Variants in MTMR3 observed in about 807,000 individuals in gnomAD.
The protein encoded by MTMR3 is phosphatidylinositol-3,5-bisphosphate 3-phosphatase MTMR3.
Under a neutral mutation model 132.4 loss-of-function variants are expected in MTMR3, and 32 were observed. The observed-to-expected ratio is 0.24, with a 90% confidence interval of 0.18 to 0.32. The LOEUF (loss-of-function observed/expected upper bound fraction) is 0.32. Among genes scored for constraint, MTMR3 ranks in the 10% least tolerant of loss-of-function variants. The pLI, the probability that MTMR3 is intolerant of heterozygous loss-of-function variation, is 1.00. For synonymous variants in MTMR3, 556 were observed against 550.3 expected, an observed-to-expected ratio of 1.01 and a Z score of -0.14; for missense variants, 1,216 against 1,489.6, an observed-to-expected ratio of 0.82 and a Z score of 3.02.
Position 29,890,986 on chromosome 22 carries a change from G to A in MTMR3, c.-138+7627G>A, listed in dbSNP as rs79267053. Among the ~76,000 whole-genome samples, 678 of 151,028 alleles carry A rather than the reference G, an allele frequency of 4.5e-3. 6 individuals are homozygous for A. The highest frequency in any genetic ancestry group is 0.016 in the African/African-American group (639 of 40,962). ...TGTGATTGTGCTTATGAATATAGCCGCTGTACTCTAGCCTGGACAACATAG... is the reference window on the plus strand; with the variant it reads ...TGTGATTGTGCTTATGAATATAGCCACTGTACTCTAGCCTGGACAACATAG... On this transcript the variant is annotated intron_variant, in intron 1 of 19. Transcript: ENST00000401950.
chr22:29,925,284 C>T (rs2065493449), intron 1 of MTMR3, among the ~76,000 whole-genome samples: 1 of 152,184 alleles, frequency 6.6e-6, no homozygotes, highest in South Asian at 2.1e-4. Flanking sequence ...CCTCCTGCCT[C>T]AGCCTCCCAA....
At chr22:29,942,043 G>T (rs2065866866) in intron 1 of MTMR3, among the ~76,000 whole-genome samples, 1 of 152,106 alleles carries the variant, frequency 6.6e-6, no homozygotes, top group Non-Finnish European at 1.5e-5. Context: ...TTAGTTTTTG[G>T]ATATGTTGAC....
intron 1 of MTMR3, among the ~76,000 whole-genome samples, chr22:29,923,655 G>A (rs1057495271): frequency 4.6e-5 from 7 of 152,082 alleles, no homozygotes; most frequent in African/African-American, 7.2e-5. Context: ...AGTCTGGCAG[G>A]GTTTGATTTT....
chr22:30,026,140 T>C lies in MTMR3; in HGVS notation c.*339T>C, dbSNP rs896081534. 6 of 257,010 alleles carry C rather than the reference T, an allele frequency of 2.3e-5. No homozygotes were observed. The highest frequency in any genetic ancestry group is 3.8e-5 in the Non-Finnish European group (5 of 132,814). The allele number at this position is 257,010 out of a possible 1,614,324, so 15.9% of individuals were successfully genotyped here. The stretch of plus-strand genomic sequence containing the variant: ...TCACGTGACACTGAGGGATGGCTTG[T>C]TTCTTCCGGGTGGGAGGATGGTGGT... On this transcript the variant is annotated 3_prime_UTR_variant, in exon 20 of 20. Coordinates refer to ENST00000401950, the MANE Select transcript of MTMR3 (RefSeq NM_021090.4).
intron 1 of MTMR3, among the ~76,000 whole-genome samples, chr22:29,920,694 A>G (rs1032628272): frequency 2.0e-5 from 3 of 152,148 alleles, no homozygotes; most frequent in African/African-American, 7.2e-5. Context: ...CTTTATGTAT[A>G]AGTAATTCTC....
intron 3 of MTMR3, among the ~76,000 whole-genome samples, chr22:29,975,117 T>C (rs1166614742): frequency 6.6e-6 from 1 of 152,154 alleles, no homozygotes. Context: ...TTAATTGGTA[T>C]TTAGTATTAG....
intron 3 of MTMR3, among the ~76,000 whole-genome samples, chr22:29,973,168 C>T (rs1454111409): frequency 2.0e-5 from 3 of 152,074 alleles, no homozygotes; most frequent in South Asian, 2.1e-4. Flanking sequence ...AACTGTAAAC[C>T]GCTGTACTAA....
chr22:30,000,467 TAA>T, intron 8 of MTMR3: 3 of 136,718 alleles, frequency 2.2e-5, no homozygotes, highest in African/African-American at 9.3e-5. Context: ...TCTTAAAAAA[TAA>T]AAAAAATAAA....
In MTMR3 at chr22:29,897,915, TA is replaced by T. The variant is rs371233327; in HGVS notation, c.-138+14557del. On this transcript the variant is annotated intron_variant, in intron 1 of 19. Coordinates refer to ENST00000401950, the MANE Select transcript of MTMR3 (RefSeq NM_021090.4). ...TTTATGTAGTATTGGGTTTCAAATTTATGTGATATTTTAGTACATACTTTCT... is the reference window on the plus strand; with the variant it reads ...TTTATGTAGTATTGGGTTTCAAATTTTGTGATATTTTAGTACATACTTTCT... 1.2e-3 allele frequency among the ~76,000 whole-genome samples: 181 copies of T among 152,338 alleles called. 1 individual carries two copies. The South Asian group carries it at 0.026, about 22-fold the overall frequency.
chr22:30,028,760 T>C lies in MTMR3; in HGVS notation c.*2959T>C, dbSNP rs1294440246. ...AAGTATACAAACACAAAGAGCCAGCTGAGCTGGTTCTAGTGTGAAAGCCGT... is the reference window on the plus strand; with the variant it reads ...AAGTATACAAACACAAAGAGCCAGCCGAGCTGGTTCTAGTGTGAAAGCCGT... On this transcript the variant is annotated 3_prime_UTR_variant, in exon 20 of 20. Coordinates refer to ENST00000401950, the MANE Select transcript of MTMR3 (RefSeq NM_021090.4). The C allele has an allele frequency of 2.0e-5, 3 of 152,386 alleles. No homozygotes were observed. Among genetic ancestry groups the C allele is most frequent in the African/African-American group, 7.2e-5 (3 of 41,470 alleles). 9.4% of individuals were successfully genotyped at this position (152,386 alleles called of 1,614,324 possible). A position where few individuals can be genotyped will look rare whatever the true frequency, so the allele number is the denominator to read the frequency against.
chr22:29,920,250 A>G (rs935185825), intron 1 of MTMR3, among the ~76,000 whole-genome samples: 1 of 151,880 alleles, frequency 6.6e-6, no homozygotes, highest in Admixed American at 6.6e-5. Context: ...AAATTAGGCA[A>G]TTTGCTTTAA....
chr22:29,964,307 C>T (rs2066372440), intron 2 of MTMR3, among the ~76,000 whole-genome samples: 2 of 152,188 alleles, frequency 1.3e-5, no homozygotes, highest in African/African-American at 2.4e-5. Flanking sequence ...AAGGATTGGT[C>T]ACATCTGCGA....
At chr22:29,955,234 C>G (rs5763637) in intron 1 of MTMR3, among the ~76,000 whole-genome samples, 9,005 of 152,268 alleles carry the variant, frequency 0.059, 507 homozygotes, top group South Asian at 0.24. Flanking sequence ...ATCCTCCTGC[C>G]TCAGCCTCCC....
rs370315694 is a variant in MTMR3 at position 29,898,022 on chromosome 22, C to T, written c.-138+14663C>T. Among the ~76,000 whole-genome samples, 10 of 152,016 alleles carry T rather than the reference C, an allele frequency of 6.6e-5. No individual in the cohort carries two copies. The East Asian group carries it at 1.2e-3, about 18-fold the overall frequency. ...ACACAATCTTGCTCTGTCACCCAGG[C>T]TGTAGTACAGAGGCACAATCTTGGC... On this transcript the variant is annotated intron_variant, in intron 1 of 19. Transcript: ENST00000401950.
chr22:29,933,956 C>T (rs766161429), intron 1 of MTMR3, among the ~76,000 whole-genome samples: 9 of 152,112 alleles, frequency 5.9e-5, no homozygotes, highest in Non-Finnish European at 1.3e-4. Flanking sequence ...TATTCGTCTA[C>T]TTATTTCCCT....
At chr22:29,932,605 T>C (rs1434990506) in intron 1 of MTMR3, among the ~76,000 whole-genome samples, 1 of 152,144 alleles carries the variant, frequency 6.6e-6, no homozygotes, top group African/African-American at 2.4e-5. Flanking sequence ...TACCTGGGAC[T>C]AGAGTACAAC....
chr22:29,934,198 C>CA (rs1285962630), intron 1 of MTMR3, among the ~76,000 whole-genome samples: 3 of 151,990 alleles, frequency 2.0e-5, no homozygotes, highest in Admixed American at 1.3e-4. Context: ...ACTAAAAATA[C>CA]AAAAAATTAG....
intron 1 of MTMR3, among the ~76,000 whole-genome samples, chr22:29,932,468 A>G (rs1013710955): frequency 1.3e-5 from 2 of 152,194 alleles, no homozygotes; most frequent in Non-Finnish European, 2.9e-5. Context: ...TAACTAACTT[A>G]TTAGTAAAGT....
chr22:29,988,647 A>T, intron 6 of MTMR3, 85 bp downstream of exon 6: 1 of 988,026 alleles, frequency 1.0e-6, no homozygotes, highest in Admixed American at 2.4e-5. Flanking sequence ...AACTTAGTAA[A>T]ATACCTTTTG....
Sources: gnomAD v4.1 joint callset for allele counts (sites outside exome capture counted in the v4.1 genomes callset) on GRCh38, gnomAD v4.1.1 for gene constraint, MANE v1.5 for transcripts, NCBI Gene and HGNC (gene_info 2026-07-23, HGNC 2026-07-21) for gene names.